GLRA3: variants seen among roughly 807,000 people sequenced by gnomAD.
GLRA3 encodes the protein glycine receptor subunit alpha-3.
Under a neutral mutation model 60.4 loss-of-function variants are expected in GLRA3, and 44 were observed. The observed-to-expected ratio is 0.73, with a 90% CI of 0.57 to 0.94. GLRA3 has a LOEUF of 0.94. Among genes scored for constraint, GLRA3 ranks in the 40% least tolerant of loss-of-function variants. The pLI, the probability that GLRA3 is intolerant of heterozygous loss-of-function variation, is 0.00. For synonymous variants in GLRA3, 223 were observed against 192.9 expected, an observed-to-expected ratio of 1.16 and a Z score of -1.29; for missense variants, 508 against 564.6, an observed-to-expected ratio of 0.90 and a Z score of 1.02.
At chr4:174,764,787 A>G (rs1178240831) in intron 3 of GLRA3, among the ~76,000 whole-genome samples, 4 of 152,100 alleles carry the variant, frequency 2.6e-5, no homozygotes, top group African/African-American at 9.6e-5. Context: ...GAAATATACT[A>G]ACAAGTTCTA....
At chr4:174,714,741 G>A (rs1735843084) in intron 5 of GLRA3, among the ~76,000 whole-genome samples, 1 of 152,050 alleles carries the variant, frequency 6.6e-6, no homozygotes, top group African/African-American at 2.4e-5. Context: ...ATTGCATATT[G>A]CTTAATTTTT....
At chr4:174,781,343 A>C (rs1232246141) in intron 2 of GLRA3, among the ~76,000 whole-genome samples, 2 of 149,438 alleles carry the variant, frequency 1.3e-5, no homozygotes, top group Non-Finnish European at 3.0e-5. Context: ...ATAGCACTAA[A>C]TGCCCACAAG....
chr4:174,718,642 T>C (rs1229319760), intron 4 of GLRA3, among the ~76,000 whole-genome samples: 1 of 152,222 alleles, frequency 6.6e-6, no homozygotes, highest in Non-Finnish European at 1.5e-5. Flanking sequence ...TATTAGATCC[T>C]AATATTTCTC....
At chr4:174,787,450 A>C (rs1278219338) in intron 2 of GLRA3, among the ~76,000 whole-genome samples, 1 of 152,040 alleles carries the variant, frequency 6.6e-6, no homozygotes, top group Non-Finnish European at 1.5e-5. Context: ...CTCAATTTGG[A>C]AAAGATCATT....
At position 174,679,958 on chromosome 4, in the gene GLRA3, C is replaced by T. The variant is rs183505615; in HGVS notation, c.713-2666G>A. Among the ~76,000 whole-genome samples the T allele has an allele frequency of 3.1e-3, 470 of 152,144 alleles. 4 individuals are homozygous for T. The highest frequency in any genetic ancestry group is 3.9e-3 in the Non-Finnish European group (263 of 68,006). On this transcript the variant is annotated intron_variant, in intron 6 of 9. Transcript: ENST00000274093. ...GCATAATGGGGACAATTACAGTTAA[C>T]AATACTTTATCGTACATTTCAAAGT...
chr4:174,708,756 G>C (rs1376889818), intron 5 of GLRA3, among the ~76,000 whole-genome samples: 2 of 146,818 alleles, frequency 1.4e-5, no homozygotes, highest in Non-Finnish European at 3.0e-5. Flanking sequence ...CTATTATTCT[G>C]ATTCTAAGAA....
Position 174,788,832 on chromosome 4 carries a change from G to A in GLRA3, c.183C>T (p.Ile61=). Residue 61 remains isoleucine (I), a synonymous_variant, in exon 2 of 10, where the codon ATC becomes ATT. Coordinates refer to ENST00000274093, the MANE Select transcript of GLRA3 (RefSeq NM_006529.4). ...AACAATTACCTTTAAAATTGGGTCT[G>A]ATTCTTGCATCATATCCTGATGTCC... is the stretch of plus-strand genomic sequence containing the variant. ...MGRTSGYDAR[I]RPNFKGPPVN... 5 of 1,603,266 alleles carry A rather than the reference G, an allele frequency of 3.1e-6. No homozygotes were observed. The highest frequency in any genetic ancestry group is 4.3e-6 in the Non-Finnish European group (5 of 1,173,992).
At chr4:174,654,552 G>A (rs1733128484) in intron 9 of GLRA3, among the ~76,000 whole-genome samples, 1 of 152,064 alleles carries the variant, frequency 6.6e-6, no homozygotes, top group Non-Finnish European at 1.5e-5. Flanking sequence ...TAGGGAAACA[G>A]GCACTAGAAT....
At chr4:174,653,256 T>C (rs1320018592) in intron 9 of GLRA3, among the ~76,000 whole-genome samples, 1 of 152,038 alleles carries the variant, frequency 6.6e-6, no homozygotes, top group Admixed American at 6.6e-5. Context: ...CCTTTGAGAA[T>C]ATGAAGAACA....
At chr4:174,793,453 T>A (rs1466691421) in intron 1 of GLRA3, among the ~76,000 whole-genome samples, 1 of 150,846 alleles carries the variant, frequency 6.6e-6, no homozygotes, top group African/African-American at 2.4e-5. Context: ...TATTTATTTA[T>A]TTATTTATTT....
intron 6 of GLRA3, among the ~76,000 whole-genome samples, chr4:174,677,526 A>ATTTT (rs779270533): frequency 6.8e-6 from 1 of 146,372 alleles, no homozygotes. Context: ...AGCCCGGCTA[A>ATTTT]TTTTTTTTTT....
intron 2 of GLRA3, among the ~76,000 whole-genome samples, chr4:174,783,051 C>G (rs185556723): frequency 1.3e-5 from 2 of 152,184 alleles, no homozygotes; most frequent in Non-Finnish European, 2.9e-5. Flanking sequence ...AAGCATCACA[C>G]GACCTGACTT....
At chr4:174,775,784 T>G (rs1166374477) in intron 2 of GLRA3, among the ~76,000 whole-genome samples, 1 of 152,124 alleles carries the variant, frequency 6.6e-6, no homozygotes, top group Non-Finnish European at 1.5e-5. Context: ...AGCTTCTATT[T>G]CAAGACAGAG....
At chr4:174,803,158 T>A (rs759954888) in intron 1 of GLRA3, among the ~76,000 whole-genome samples, 1 of 152,140 alleles carries the variant, frequency 6.6e-6, no homozygotes, top group Non-Finnish European at 1.5e-5. Context: ...CATCATGCAC[T>A]CATTCATTTT....
intron 2 of GLRA3, among the ~76,000 whole-genome samples, chr4:174,782,915 T>C (rs1343587384): frequency 6.6e-6 from 1 of 152,102 alleles, no homozygotes; most frequent in East Asian, 1.9e-4. Context: ...ACAGATTCAA[T>C]GCCATCCCCA....
intron 2 of GLRA3, among the ~76,000 whole-genome samples, chr4:174,771,892 T>C (rs991256177): frequency 2.6e-5 from 4 of 152,124 alleles, no homozygotes; most frequent in African/African-American, 4.8e-5. Context: ...AGAGGCAAAA[T>C]GGAGGCAAAA....
intron 1 of GLRA3, among the ~76,000 whole-genome samples, chr4:174,804,844 C>T (rs942447863): frequency 6.6e-6 from 1 of 152,106 alleles, no homozygotes; most frequent in Non-Finnish European, 1.5e-5. Context: ...TTGGTCAGAC[C>T]AGGTGTGCCA....
chr4:174,734,514 G>C (rs1007523773), intron 3 of GLRA3, among the ~76,000 whole-genome samples: 2 of 152,072 alleles, frequency 1.3e-5, no homozygotes, highest in Non-Finnish European at 2.9e-5. Flanking sequence ...ACTATTTAGA[G>C]GCTTAAAAGG....
At chr4:174,809,000 A>C (rs143135489) in intron 1 of GLRA3, among the ~76,000 whole-genome samples, 56 of 152,298 alleles carry the variant, frequency 3.7e-4, no homozygotes, top group African/African-American at 1.3e-3. Flanking sequence ...CAGTGTTTAA[A>C]AATTCGACAC....
Sources: gnomAD v4.1 joint callset for allele counts (sites outside exome capture counted in the v4.1 genomes callset) on GRCh38, gnomAD v4.1.1 for gene constraint, MANE v1.5 for transcripts, NCBI Gene and HGNC (gene_info 2026-07-23, HGNC 2026-07-21) for gene names.